SMIM41: variants seen among roughly 807,000 people sequenced by gnomAD.
The protein encoded by SMIM41 is small integral membrane protein 41.
At chr12:52,091,549 G>A (rs1940004580) in intron 2 of SMIM41, among the ~76,000 whole-genome samples, 1 of 152,198 alleles carries the variant, frequency 6.6e-6, no homozygotes, top group South Asian at 2.1e-4. Context: ...GAACTTCCCT[G>A]CCCGAGCCAT....
At chr12:52,106,379 G>A (rs1940339823) in intron 2 of SMIM41, among the ~76,000 whole-genome samples, 1 of 152,150 alleles carries the variant, frequency 6.6e-6, no homozygotes, top group African/African-American at 2.4e-5. Flanking sequence ...TTTTGCTCTT[G>A]TTGCCCAGGC....
In SMIM41 at chr12:52,097,713, G is replaced by A. The variant is rs542236101; in HGVS notation, c.*196-9666G>A. Among the ~76,000 whole-genome samples, 24 of 152,084 alleles carry A rather than the reference G, an allele frequency of 1.6e-4. No homozygotes were observed. The East Asian group carries it at 4.1e-3, about 26-fold the overall frequency. On this transcript the variant is annotated intron_variant, in intron 2 of 2. Coordinates refer to ENST00000546390, the MANE Select transcript of SMIM41 (RefSeq NM_001369216.1). ...TCCCCCTTCCATATGGGAGTCATATGATACTTGCCGTCCATATATTAAGAA... is the reference window on the plus strand; with the variant it reads ...TCCCCCTTCCATATGGGAGTCATATAATACTTGCCGTCCATATATTAAGAA...
At chr12:52,093,384 A>G (rs909182178) in intron 2 of SMIM41, among the ~76,000 whole-genome samples, 2 of 152,316 alleles carry the variant, frequency 1.3e-5, no homozygotes, top group South Asian at 4.1e-4. Flanking sequence ...GGTTCCGGCA[A>G]CTTGGCTGGT....
chr12:52,086,569 G>C (rs961425149), intron 2 of SMIM41, among the ~76,000 whole-genome samples: 2 of 152,204 alleles, frequency 1.3e-5, no homozygotes, highest in Non-Finnish European at 2.9e-5. Flanking sequence ...ACTTCCACGA[G>C]GCTTCTGTGA....
intron 2 of SMIM41, chr12:52,092,473 G>C (rs867566646): frequency 9.2e-5 from 14 of 152,292 alleles, no homozygotes; most frequent in African/African-American, 3.4e-4. Context: ...AATAACTTGA[G>C]GATTCTGTGT....
chr12:52,093,974 T>C (rs942371428), intron 2 of SMIM41, among the ~76,000 whole-genome samples: 3 of 151,432 alleles, frequency 2.0e-5, no homozygotes, highest in Admixed American at 6.6e-5. Context: ...CTACAAAAAA[T>C]AGAAGAATTA....
At chr12:52,103,746 T>G (rs936802130) in intron 2 of SMIM41, among the ~76,000 whole-genome samples, 2 of 148,358 alleles carry the variant, frequency 1.3e-5, no homozygotes, top group African/African-American at 5.2e-5. Context: ...AGAGAAAGAC[T>G]GTCTCCAGTA....
chr12:52,083,423 G>A (rs531088687), intron 1 of SMIM41, among the ~76,000 whole-genome samples: 21 of 152,254 alleles, frequency 1.4e-4, no homozygotes, highest in Admixed American at 1.0e-3. Flanking sequence ...TTTGTTCCCC[G>A]ACTCCCCTCC....
In SMIM41 at chr12:52,097,996, A is replaced by G. The variant is rs1041201438; in HGVS notation, c.*196-9383A>G. ...AGACAATAACACAGGGGTAACGTAC[A>G]CCCACTGCTTTATTGGGAGAAGTAT... is the stretch of plus-strand genomic sequence containing the variant. On this transcript the variant is annotated intron_variant, in intron 2 of 2. Transcript: ENST00000546390. Among the ~76,000 whole-genome samples the G allele has an allele frequency of 7.4e-5, 11 of 147,830 alleles. No homozygotes were observed. In the Admixed American group the frequency reaches 7.5e-4, roughly 10 times the overall value.
At chr12:52,096,325 A>G (rs1164659401) in intron 2 of SMIM41, among the ~76,000 whole-genome samples, 1 of 152,020 alleles carries the variant, frequency 6.6e-6, no homozygotes, top group Non-Finnish European at 1.5e-5. Flanking sequence ...GAGTAACGTC[A>G]TACTCCACCC....
rs2120742435 is a variant in SMIM41 at position 52,107,802 on chromosome 12, C to T, written c.*619C>T. On this transcript the variant is annotated 3_prime_UTR_variant, in exon 3 of 3. Coordinates refer to ENST00000546390, the MANE Select transcript of SMIM41 (RefSeq NM_001369216.1). ...CTTTTTTTTTTCTCAGTCTTTTAGA[C>T]TCCCAGCTGTACAACTTGATTGCCT... 2 of 372,344 alleles carry T rather than the reference C, an allele frequency of 5.4e-6. No homozygotes were observed. The highest frequency in any genetic ancestry group is 4.2e-5 in the South Asian group (2 of 47,252). The allele number at this position is 372,344 out of a possible 1,614,324, so 23.1% of individuals were successfully genotyped here.
intron 2 of SMIM41, among the ~76,000 whole-genome samples, chr12:52,090,784 T>C (rs904177202): frequency 1.3e-5 from 2 of 152,190 alleles, no homozygotes; most frequent in African/African-American, 4.8e-5. Context: ...TGGAAATCCA[T>C]AGGTGGTTGG....
intron 2 of SMIM41, chr12:52,092,032 G>C (rs566417415): frequency 7.2e-5 from 11 of 152,244 alleles, no homozygotes; most frequent in South Asian, 2.1e-4. Flanking sequence ...TGCAGGCGGA[G>C]TGGAGAGTGA....
At chr12:52,086,165 A>C (rs1304932129) in intron 2 of SMIM41, among the ~76,000 whole-genome samples, 1 of 152,114 alleles carries the variant, frequency 6.6e-6, no homozygotes, top group Non-Finnish European at 1.5e-5. Flanking sequence ...TTGGCAGTTG[A>C]GGAAGAGAGG....
At chr12:52,086,278 G>A (rs1939891497) in intron 2 of SMIM41, among the ~76,000 whole-genome samples, 1 of 152,082 alleles carries the variant, frequency 6.6e-6, no homozygotes, top group Non-Finnish European at 1.5e-5. Flanking sequence ...AAGAAGTGGG[G>A]AAGCCTTCTG....
At chr12:52,091,430 C>G (rs1234138258) in intron 2 of SMIM41, among the ~76,000 whole-genome samples, 1 of 152,200 alleles carries the variant, frequency 6.6e-6, no homozygotes, top group Non-Finnish European at 1.5e-5. Flanking sequence ...TATGTGAACT[C>G]TCCTCTTTTC....
At position 52,093,204 on chromosome 12, in the gene SMIM41, A is replaced by G. The variant is rs141181132; in HGVS notation, c.*195+9236A>G. Among the ~76,000 whole-genome samples the G allele has an allele frequency of 7.0e-4, 106 of 152,090 alleles. 1 individual carries two copies. In the East Asian group the frequency reaches 0.019, roughly 27 times the overall value. ...AGAGCGAGACCCTGTCTCAACAACA[A>G]CAACAACAAACAAAAAACCCCACAC... is the stretch of plus-strand genomic sequence containing the variant. On this transcript the variant is annotated intron_variant, in intron 2 of 2. Transcript: ENST00000546390.
chr12:52,094,468 G>T (rs894357892), intron 2 of SMIM41, among the ~76,000 whole-genome samples: 19 of 152,140 alleles, frequency 1.2e-4, no homozygotes, highest in African/African-American at 4.6e-4. Flanking sequence ...CTCCCAAAGT[G>T]CTAGGATTAC....
At chr12:52,083,453 A>C (rs909279870) in intron 1 of SMIM41, among the ~76,000 whole-genome samples, 1 of 152,192 alleles carries the variant, frequency 6.6e-6, no homozygotes, top group African/African-American at 2.4e-5. Flanking sequence ...TATTTCTAGC[A>C]GATATAGCAA....
Sources: gnomAD v4.1 joint callset for allele counts (sites outside exome capture counted in the v4.1 genomes callset) on GRCh38, gnomAD v4.1.1 for gene constraint, MANE v1.5 for transcripts, NCBI Gene and HGNC (gene_info 2026-07-23, HGNC 2026-07-21) for gene names.